PLCB1: variants seen among roughly 807,000 people sequenced by gnomAD.
PLCB1 encodes 1-phosphatidylinositol 4,5-bisphosphate phosphodiesterase beta-1.
A neutral mutation model predicts 161.8 loss-of-function variants in PLCB1; 46 were observed. The ratio of observed to expected loss-of-function variants is 0.28; its 90% CI spans 0.22 to 0.36. PLCB1 has a LOEUF of 0.36. Among genes scored for constraint, PLCB1 ranks in the 10% least tolerant of loss-of-function variants. PLCB1 has a pLI of 1.00. For synonymous variants in PLCB1, 517 were observed against 503.7 expected (o/e 1.03, Z -0.35); for missense variants, 1,016 against 1,472.5 (o/e 0.69, Z 5.07).
At chr20:8,869,455 A>C (rs1290640510) in intron 31 of PLCB1, among the ~76,000 whole-genome samples, 2 of 152,178 alleles carry the variant, frequency 1.3e-5, no homozygotes, top group African/African-American at 4.8e-5. Flanking sequence ...TGGCCTGCTG[A>C]GTAGCATAAT....
chr20:8,173,059 C>A (rs2051748665), intron 2 of PLCB1, among the ~76,000 whole-genome samples: 1 of 152,170 alleles, frequency 6.6e-6, no homozygotes, highest in South Asian at 2.1e-4. Context: ...GGTAAATGCT[C>A]TTCTTCCTGA....
chr20:8,182,604 T>A (rs957470054), intron 2 of PLCB1, among the ~76,000 whole-genome samples: 1 of 149,446 alleles, frequency 6.7e-6, no homozygotes, highest in South Asian at 2.1e-4. Flanking sequence ...TTTTTGAGAC[T>A]GAGTCTTACT....
chr20:8,712,668 GGTT>G (rs999167177), intron 12 of PLCB1, among the ~76,000 whole-genome samples: 2 of 152,222 alleles, frequency 1.3e-5, no homozygotes, highest in Non-Finnish European at 2.9e-5. Flanking sequence ...TTTTGAACAA[GGTT>G]CTTAATTTCC....
At chr20:8,795,283 T>TG (rs1795622346) in intron 31 of PLCB1, among the ~76,000 whole-genome samples, 1 of 152,148 alleles carries the variant, frequency 6.6e-6, no homozygotes, top group Admixed American at 6.6e-5. Flanking sequence ...TTGAGGGCAT[T>TG]GGGGAAAACA....
chr20:8,698,755 G>A (rs1313037308), intron 11 of PLCB1, among the ~76,000 whole-genome samples: 1 of 152,162 alleles, frequency 6.6e-6, no homozygotes, highest in Non-Finnish European at 1.5e-5. Context: ...GGTGCTGTCA[G>A]GAGGCACAAA....
chr20:8,232,396 CA>C (rs1980101829), intron 2 of PLCB1, among the ~76,000 whole-genome samples: 1 of 152,096 alleles, frequency 6.6e-6, no homozygotes, highest in African/African-American at 2.4e-5. Context: ...AATTATAAGA[CA>C]GTGATATTCT....
chr20:8,251,888 AT>A (rs896359674), intron 2 of PLCB1, among the ~76,000 whole-genome samples: 8 of 151,828 alleles, frequency 5.3e-5, no homozygotes, highest in Non-Finnish European at 4.4e-5. Flanking sequence ...GATGAAAGAT[AT>A]TTTTTGCCAT....
At chr20:8,671,183 A>G (rs1989933514) in intron 9 of PLCB1, among the ~76,000 whole-genome samples, 1 of 152,140 alleles carries the variant, frequency 6.6e-6, no homozygotes, top group Admixed American at 6.5e-5. Context: ...TGATTATTCT[A>G]CGTGGATTTA....
Position 8,710,394 on chromosome 20 carries a change from A to G in PLCB1, c.1250+1642A>G, listed in dbSNP as rs914070858. 3.6e-4 allele frequency among the ~76,000 whole-genome samples: 55 copies of G among 151,602 alleles called. 3 individuals carry two copies. Among genetic ancestry groups the G allele is most frequent in the Non-Finnish European group, 1.9e-4 (13 of 67,938 alleles). On this transcript the variant is annotated intron_variant, in intron 12 of 31. Transcript: ENST00000338037. Reference sequence around the variant, plus strand: ...CCTCCCACCAGGCCCCACTTCCAACATCGGGGGTTACAATTTGACATGAGA... The same window carrying G: ...CCTCCCACCAGGCCCCACTTCCAACGTCGGGGGTTACAATTTGACATGAGA...
chr20:8,527,275 C>T (rs771525016), intron 3 of PLCB1, among the ~76,000 whole-genome samples: 46 of 152,006 alleles, frequency 3.0e-4, no homozygotes, highest in Admixed American at 1.2e-3. Flanking sequence ...CTGAGCTCAC[C>T]AAATGGTGAC....
chr20:8,134,492 A>G (rs1381537373), intron 1 of PLCB1, among the ~76,000 whole-genome samples: 1 of 152,248 alleles, frequency 6.6e-6, no homozygotes, highest in African/African-American at 2.4e-5. Flanking sequence ...GAATGAAAGT[A>G]TTCTATGAAA....
chr20:8,133,194 C>A (rs1477378080), intron 1 of PLCB1, among the ~76,000 whole-genome samples: 1 of 152,140 alleles, frequency 6.6e-6, no homozygotes, highest in Non-Finnish European at 1.5e-5. Flanking sequence ...ACCTGAAGTT[C>A]AAAACACTTT....
chr20:8,529,535 A>G (rs1468090170), intron 3 of PLCB1, among the ~76,000 whole-genome samples: 1 of 152,086 alleles, frequency 6.6e-6, no homozygotes, highest in East Asian at 1.9e-4. Flanking sequence ...AGTTACTGAC[A>G]GATTTTTACT....
chr20:8,458,842 C>A (rs1981443840), intron 3 of PLCB1, among the ~76,000 whole-genome samples: 1 of 152,084 alleles, frequency 6.6e-6, no homozygotes, highest in Non-Finnish European at 1.5e-5. Flanking sequence ...GGAAATCATG[C>A]AGATGAATGA....
intron 19 of PLCB1, among the ~76,000 whole-genome samples, chr20:8,734,462 G>T (rs1980477058): frequency 6.6e-6 from 1 of 151,614 alleles, no homozygotes; most frequent in African/African-American, 2.4e-5. Context: ...ATCTTCCAGA[G>T]TATTCAGAGA....
At chr20:8,270,108 T>G (rs1982203754) in intron 2 of PLCB1, among the ~76,000 whole-genome samples, 1 of 152,116 alleles carries the variant, frequency 6.6e-6, no homozygotes. Flanking sequence ...CCAAACAATC[T>G]CTATCAAAAC....
At chr20:8,809,152 A>G (rs1984686578) in intron 31 of PLCB1, among the ~76,000 whole-genome samples, 1 of 151,760 alleles carries the variant, frequency 6.6e-6, no homozygotes, top group South Asian at 2.1e-4. Flanking sequence ...CAGGCTTACC[A>G]CCACACTTGG....
intron 3 of PLCB1, among the ~76,000 whole-genome samples, chr20:8,624,959 C>A (rs1287065133): frequency 2.0e-5 from 3 of 152,078 alleles, no homozygotes. Context: ...GTAGGTAAAT[C>A]CTTCTCTGGA....
intron 31 of PLCB1, among the ~76,000 whole-genome samples, chr20:8,878,933 T>A (rs187717855): frequency 5.9e-5 from 9 of 152,188 alleles, no homozygotes; most frequent in Admixed American, 5.9e-4. Flanking sequence ...TACCCAGCAA[T>A]TAGTTTTTCA....
Sources: gnomAD v4.1 joint callset for allele counts (sites outside exome capture counted in the v4.1 genomes callset) on GRCh38, gnomAD v4.1.1 for gene constraint, MANE v1.5 for transcripts, NCBI Gene and HGNC (gene_info 2026-07-23, HGNC 2026-07-21) for gene names.